MED12L: variants seen among roughly 807,000 people sequenced by gnomAD.
MED12L encodes mediator complex subunit 12L, also known as mediator of RNA polymerase II transcription subunit 12-like protein.
A neutral mutation model predicts 281.3 loss-of-function variants in MED12L; 60 were observed. That is an observed-to-expected ratio of 0.21 (90% CI 0.17 to 0.26). The LOEUF (loss-of-function observed/expected upper bound fraction) is 0.26, where lower values mean the gene tolerates loss of function less well. MED12L is among the 10% of genes least tolerant of loss of function. The pLI is 1.00. For synonymous variants in MED12L, 974 were observed against 987.2 expected (o/e 0.99, Z 0.25); for missense variants, 2,146 against 2,680.9 (o/e 0.80, Z 4.41).
At position 151,350,142 on chromosome 3, in the gene MED12L, G is replaced by A; in HGVS notation, c.2334G>A (p.Gln778=). The stretch of plus-strand genomic sequence containing the variant: ...AAGAGCGTGATGAAGCAAGGCATCA[G>A]CTGAAGAAGATTACCAAAGATATCC... The part of the protein sequence containing the change: ...VGKERDEARH[Q]LKKITKDILK... The change falls in exon 17 of 45, where the codon CAG becomes CAA. Residue 778 remains glutamine (Q), a synonymous_variant. Transcript: ENST00000687756. 6.2e-7 allele frequency: 1 copy of A among 1,613,804 alleles called. No individual in the cohort carries two copies. Among genetic ancestry groups the A allele is most frequent in the Non-Finnish European group, 8.5e-7 (1 of 1,179,806 alleles).
At chr3:151,262,025 C>T (rs1244120039) in intron 16 of MED12L, among the ~76,000 whole-genome samples, 1 of 152,168 alleles carries the variant, frequency 6.6e-6, no homozygotes, top group Non-Finnish European at 1.5e-5. Flanking sequence ...CTGCACTCAG[C>T]TGAAGGGGTA....
chr3:151,133,167 T>G (rs904574489), intron 5 of MED12L, among the ~76,000 whole-genome samples: 5 of 152,238 alleles, frequency 3.3e-5, no homozygotes, highest in Admixed American at 6.5e-5. Flanking sequence ...AGAAATGACT[T>G]TTATTCCTTT....
At chr3:151,352,502 G>C (rs1753358637) in intron 17 of MED12L, among the ~76,000 whole-genome samples, 1 of 152,150 alleles carries the variant, frequency 6.6e-6, no homozygotes, top group Non-Finnish European at 1.5e-5. Context: ...GTAAGCACCA[G>C]AAATTAGCTA....
intron 16 of MED12L, among the ~76,000 whole-genome samples, chr3:151,324,418 G>A (rs12106781): frequency 0.026 from 4,003 of 152,112 alleles, 166 homozygotes; most frequent in African/African-American, 0.093. Context: ...GGGTGGCTAC[G>A]GAAGTTTTGT....
intron 16 of MED12L, among the ~76,000 whole-genome samples, chr3:151,246,048 G>A (rs1361065935): frequency 9.0e-4 from 136 of 151,458 alleles, no homozygotes; most frequent in African/African-American, 2.9e-3. Context: ...AAATACCTAG[G>A]AATCCAACTT....
At chr3:151,106,140 G>T (rs1174854787) in intron 2 of MED12L, among the ~76,000 whole-genome samples, 2 of 151,684 alleles carry the variant, frequency 1.3e-5, no homozygotes, top group African/African-American at 4.8e-5. Context: ...CTCCCAGTTG[G>T]TCTGACCCTA....
In MED12L at chr3:151,404,658, T is replaced by G. The variant is rs77416978; in HGVS notation, c.5821-4585T>G. Among the ~76,000 whole-genome samples the G allele has an allele frequency of 5.9e-3, 899 of 152,352 alleles. 4 individuals are homozygous for G. The highest frequency in any genetic ancestry group is 0.011 in the South Asian group (55 of 4,832). ...TTTTTGTTATGTGCCTTTTATTACT[T>G]TTTTCCAAATCAGTATTTCCAGAAA... On this transcript the variant is annotated intron_variant, in intron 39 of 44. Coordinates refer to ENST00000687756, the MANE Select transcript of MED12L (RefSeq NM_001393769.1).
At chr3:151,382,223 C>T (rs951630895) in intron 32 of MED12L, among the ~76,000 whole-genome samples, 1 of 152,024 alleles carries the variant, frequency 6.6e-6, no homozygotes, top group Admixed American at 6.6e-5. Flanking sequence ...GATAGCAGAC[C>T]TTCTCTTCTA....
At chr3:151,383,742 A>G (rs1182617869) in intron 33 of MED12L, 37 bp from the exon 34 acceptor site, 2 of 1,389,016 alleles carry the variant, frequency 1.4e-6, no homozygotes, top group East Asian at 4.6e-5. Flanking sequence ...TTTCTGTTTT[A>G]CAGAATGCAA....
At chr3:151,382,785 T>G in intron 33 of MED12L, 40 bp downstream of exon 33, 1 of 1,514,538 alleles carries the variant, frequency 6.6e-7, no homozygotes, top group Non-Finnish European at 9.1e-7. Context: ...ATTAAACATA[T>G]TTACATGTGA....
At chr3:151,322,286 AGTG>A (rs1749082899) in intron 16 of MED12L, among the ~76,000 whole-genome samples, 2 of 152,134 alleles carry the variant, frequency 1.3e-5, no homozygotes, top group African/African-American at 4.8e-5. Flanking sequence ...CCTGGACTCA[AGTG>A]ATTCTCACAC....
At chr3:151,152,401 A>T (rs955045731) in intron 5 of MED12L, among the ~76,000 whole-genome samples, 1 of 152,050 alleles carries the variant, frequency 6.6e-6, no homozygotes, top group African/African-American at 2.4e-5. Context: ...CGCCTGGCCC[A>T]TCGAAGGTAC....
chr3:151,382,640 T>G lies in MED12L; in HGVS notation c.4591-16T>G. On this transcript the variant is annotated splice_polypyrimidine_tract_variant and intron_variant, in intron 32 of 44. Transcript: ENST00000687756. The stretch of plus-strand genomic sequence containing the variant: ...AAAAATTAAACTTTAATGGGGAGTT[T>G]TTTTCCGGATCTTAGATTTTAAGTA... 2.5e-6 allele frequency: 4 copies of G among 1,597,336 alleles called. No individual in the cohort carries two copies. Among genetic ancestry groups the G allele is most frequent in the Non-Finnish European group, 3.4e-6 (4 of 1,172,000 alleles).
chr3:151,299,360 C>CTTTTCTTTTCTTTTA (rs377140632), intron 16 of MED12L, among the ~76,000 whole-genome samples: 1 of 109,330 alleles, frequency 9.1e-6, no homozygotes, highest in Non-Finnish European at 1.8e-5. Context: ...TTCCTTCTTT[C>CTTTTCTTTTCTTTTA]TTTTCTTTTC....
At chr3:151,250,817 A>G (rs1464345524) in intron 16 of MED12L, among the ~76,000 whole-genome samples, 3 of 152,126 alleles carry the variant, frequency 2.0e-5, no homozygotes, top group Non-Finnish European at 2.9e-5. Flanking sequence ...TGGTAATCCT[A>G]TGTTAATTTT....
At chr3:151,238,014 T>C (rs1257648416) in intron 16 of MED12L, among the ~76,000 whole-genome samples, 2 of 152,248 alleles carry the variant, frequency 1.3e-5, no homozygotes, top group Non-Finnish European at 2.9e-5. Flanking sequence ...TTTAAAGTTA[T>C]ATTTCAAGAA....
intron 2 of MED12L, among the ~76,000 whole-genome samples, chr3:151,101,121 A>C (rs1721335385): frequency 1.3e-5 from 2 of 152,148 alleles, no homozygotes; most frequent in Non-Finnish European, 2.9e-5. Flanking sequence ...ATCAGACCAC[A>C]CTCAGGGTGG....
chr3:151,134,763 A>G (rs1301770421), intron 5 of MED12L, among the ~76,000 whole-genome samples: 2 of 152,210 alleles, frequency 1.3e-5, no homozygotes, highest in African/African-American at 2.4e-5. Context: ...CATTTCTGAC[A>G]GAAGGATGAA....
At position 151,192,670 on chromosome 3, in the gene MED12L, G is replaced by C. The variant is rs960632442; in HGVS notation, c.2073+16G>C. The C allele has an allele frequency of 2.9e-5, 41 of 1,423,840 alleles. No homozygotes were observed. In the East Asian group the frequency reaches 4.2e-4, roughly 15 times the overall value. 88.2% of individuals were successfully genotyped at this position (1,423,840 alleles called of 1,614,324 possible). On this transcript the variant is annotated intron_variant, in intron 15 of 44. Transcript: ENST00000687756. The stretch of plus-strand genomic sequence containing the variant: ...GGAATTTCCAGTAGGTTCAATCTTT[G>C]ATTCTTATTGACAATTAAGAATTAA...
Sources: gnomAD v4.1 joint callset for allele counts (sites outside exome capture counted in the v4.1 genomes callset) on GRCh38, gnomAD v4.1.1 for gene constraint, MANE v1.5 for transcripts, NCBI Gene and HGNC (gene_info 2026-07-23, HGNC 2026-07-21) for gene names.